The following KCNH7 variants were observed in gnomAD, a reference collection of about 807,000 sequenced individuals.
KCNH7 encodes potassium voltage-gated channel subfamily H member 7, also known as voltage-gated inwardly rectifying potassium channel KCNH7.
Under a neutral mutation model 120.8 loss-of-function variants are expected in KCNH7, and 49 were observed. The observed-to-expected ratio is 0.41, with a 90% confidence interval of 0.32 to 0.51. The LOEUF (loss-of-function observed/expected upper bound fraction) is 0.51, where lower values mean the gene tolerates loss of function less well. KCNH7 is among the 20% of genes least tolerant of loss of function. The pLI is 0.38. For missense variants in KCNH7, 1,097 were observed against 1,446.6 expected, an observed-to-expected ratio of 0.76 and a Z score of 3.92; for synonymous variants, 547 against 516.1, an observed-to-expected ratio of 1.06 and a Z score of -0.81.
intron 6 of KCNH7, among the ~76,000 whole-genome samples, chr2:162,448,001 T>C (rs564344555): frequency 2.0e-5 from 3 of 152,192 alleles, no homozygotes; most frequent in East Asian, 3.9e-4. Context: ...CACTGTAAAT[T>C]TGAACCAGCC....
chr2:162,400,815 A>T lies in KCNH7; in HGVS notation c.2155-374T>A, dbSNP rs554857464. Among the ~76,000 whole-genome samples, 4 of 152,050 alleles carry T rather than the reference A, an allele frequency of 2.6e-5. No homozygotes were observed. The East Asian group carries it at 7.8e-4, about 30-fold the overall frequency. On this transcript the variant is annotated intron_variant, in intron 9 of 15. Coordinates refer to ENST00000332142, the MANE Select transcript of KCNH7 (RefSeq NM_033272.4). Reference sequence around the variant, plus strand: ...AACTAATGAAAGGTGGTACAACTAGAAAGACAATCAACCTTTTGAAAGAAT... The same window carrying T: ...AACTAATGAAAGGTGGTACAACTAGTAAGACAATCAACCTTTTGAAAGAAT...
chr2:162,728,562 T>G (rs1433185205), intron 2 of KCNH7, among the ~76,000 whole-genome samples: 1 of 152,190 alleles, frequency 6.6e-6, no homozygotes, highest in Non-Finnish European at 1.5e-5. Context: ...GCGGATCACC[T>G]GAGGTCAGGA....
chr2:162,730,829 A>C (rs557383520), intron 2 of KCNH7, among the ~76,000 whole-genome samples: 1 of 152,228 alleles, frequency 6.6e-6, no homozygotes, highest in South Asian at 2.1e-4. Context: ...CAACAAAATT[A>C]AAAGTGATGA....
chr2:162,691,011 ACT>A (rs1686083552), intron 2 of KCNH7, among the ~76,000 whole-genome samples: 1 of 152,108 alleles, frequency 6.6e-6, no homozygotes, highest in Non-Finnish European at 1.5e-5. Flanking sequence ...CTGGCCACAG[ACT>A]CTACTCAGTA....
At chr2:162,679,444 G>C (rs1050083036) in intron 2 of KCNH7, among the ~76,000 whole-genome samples, 8 of 151,516 alleles carry the variant, frequency 5.3e-5, no homozygotes, top group African/African-American at 1.9e-4. Context: ...TTTGGGAAGA[G>C]GGATTATTAA....
At chr2:162,492,512 T>A (rs1449666132) in intron 6 of KCNH7, among the ~76,000 whole-genome samples, 1 of 152,226 alleles carries the variant, frequency 6.6e-6, no homozygotes, top group Non-Finnish European at 1.5e-5. Context: ...CATTTGGTGA[T>A]TATCTTCCCC....
intron 2 of KCNH7, among the ~76,000 whole-genome samples, chr2:162,541,625 T>C (rs1304355890): frequency 6.6e-6 from 1 of 151,988 alleles, no homozygotes; most frequent in Non-Finnish European, 1.5e-5. Flanking sequence ...CATTTATAAA[T>C]GGGAGCAGAA....
At chr2:162,717,378 T>C (rs1687162352) in intron 2 of KCNH7, among the ~76,000 whole-genome samples, 1 of 152,078 alleles carries the variant, frequency 6.6e-6, no homozygotes, top group African/African-American at 2.4e-5. Flanking sequence ...AGCATGTAGA[T>C]CCAAATGATC....
At chr2:162,786,398 G>A (rs561221145) in intron 2 of KCNH7, among the ~76,000 whole-genome samples, 1 of 152,188 alleles carries the variant, frequency 6.6e-6, no homozygotes, top group East Asian at 1.9e-4. Context: ...ACAGATAAGA[G>A]AACATGCACA....
intron 6 of KCNH7, among the ~76,000 whole-genome samples, chr2:162,456,832 C>CT (rs1054178899): frequency 5.3e-5 from 8 of 151,838 alleles, no homozygotes; most frequent in Non-Finnish European, 7.4e-5. Flanking sequence ...CAAACCCCTG[C>CT]TTTTTTTTGC....
At chr2:162,488,865 C>G (rs1481573868) in intron 6 of KCNH7, among the ~76,000 whole-genome samples, 1 of 152,168 alleles carries the variant, frequency 6.6e-6, no homozygotes, top group Non-Finnish European at 1.5e-5. Flanking sequence ...ACATATAAAA[C>G]CCAACAGGTG....
At chr2:162,390,053 C>T (rs992450135) in intron 12 of KCNH7, among the ~76,000 whole-genome samples, 16 of 151,924 alleles carry the variant, frequency 1.1e-4, no homozygotes, top group Non-Finnish European at 1.9e-4. Context: ...ATTGTTTGTG[C>T]CTGGTTACAC....
intron 6 of KCNH7, among the ~76,000 whole-genome samples, chr2:162,457,622 CA>C (rs1475534967): frequency 1.3e-5 from 2 of 152,140 alleles, no homozygotes; most frequent in African/African-American, 4.8e-5. Flanking sequence ...TCTTCACTTT[CA>C]AAAAGTGCAA....
chr2:162,457,312 G>T (rs886122414), intron 6 of KCNH7, among the ~76,000 whole-genome samples: 17 of 151,920 alleles, frequency 1.1e-4, no homozygotes, highest in African/African-American at 4.1e-4. Context: ...CTATTACGAG[G>T]ATTTTCTTTT....
At chr2:162,473,278 GA>G (rs996422783) in intron 6 of KCNH7, among the ~76,000 whole-genome samples, 5 of 151,410 alleles carry the variant, frequency 3.3e-5, no homozygotes, top group Admixed American at 2.0e-4. Context: ...CAAAAAAAGA[GA>G]AAAAAAATAA....
rs145363884 is a variant in KCNH7 at position 162,524,482 on chromosome 2, T to C, written c.464-6324A>G. ...CTGGGCTTAGGGCCACAGTGTCCAGTACAGAGAGAGAAATATAGCCATCTT... is the reference window on the plus strand; with the variant it reads ...CTGGGCTTAGGGCCACAGTGTCCAGCACAGAGAGAGAAATATAGCCATCTT... On this transcript the variant is annotated intron_variant, in intron 3 of 15. Coordinates refer to ENST00000332142, the MANE Select transcript of KCNH7 (RefSeq NM_033272.4). Among the ~76,000 whole-genome samples, 792 of 152,142 alleles carry C rather than the reference T, an allele frequency of 5.2e-3. 11 individuals are homozygous for C. The highest frequency in any genetic ancestry group is 0.018 in the African/African-American group (750 of 41,558).
At chr2:162,411,444 T>C (rs1021105997) in intron 9 of KCNH7, among the ~76,000 whole-genome samples, 3 of 151,818 alleles carry the variant, frequency 2.0e-5, no homozygotes, top group African/African-American at 4.8e-5. Flanking sequence ...ACAATAGACA[T>C]TGAGGACTGC....
chr2:162,622,425 A>G (rs1683396306), intron 2 of KCNH7, among the ~76,000 whole-genome samples: 1 of 152,182 alleles, frequency 6.6e-6, no homozygotes, highest in Non-Finnish European at 1.5e-5. Flanking sequence ...TTAGAAGTAA[A>G]TAGCAAGTAT....
At chr2:162,699,431 T>C (rs1011812075) in intron 2 of KCNH7, among the ~76,000 whole-genome samples, 1 of 152,122 alleles carries the variant, frequency 6.6e-6, no homozygotes, top group East Asian at 1.9e-4. Flanking sequence ...CATTCCCCAA[T>C]AAATTTATTT....
Sources: gnomAD v4.1 joint callset for allele counts (sites outside exome capture counted in the v4.1 genomes callset) on GRCh38, gnomAD v4.1.1 for gene constraint, MANE v1.5 for transcripts, NCBI Gene and HGNC (gene_info 2026-07-23, HGNC 2026-07-21) for gene names.